Variants in PMFBP1 observed in about 807,000 individuals in gnomAD.
PMFBP1 encodes polyamine modulated factor 1 binding protein 1.
PMFBP1 carries 131 observed loss-of-function variants against 137.8 expected under a neutral mutation model. That is an observed-to-expected ratio of 0.95 (90% CI 0.82 to 1.10). PMFBP1 has a LOEUF of 1.10. PMFBP1 is among the 50% of genes least tolerant of loss of function. The probability of loss-of-function intolerance (pLI) is 0.00; values close to 1 mark genes in which losing one functional copy is unlikely to be tolerated. For synonymous variants in PMFBP1, 490 were observed against 450.4 expected, an observed-to-expected ratio of 1.09 and a Z score of -1.11; for missense variants, 1,199 against 1,175.4, an observed-to-expected ratio of 1.02 and a Z score of -0.29.
intron 3 of PMFBP1, among the ~76,000 whole-genome samples, chr16:72,161,243 G>A (rs751905238): frequency 5.3e-5 from 8 of 151,338 alleles, no homozygotes; most frequent in African/African-American, 9.7e-5. Context: ...GATTATAGGC[G>A]CCTGCTACCA....
intron 4 of PMFBP1, among the ~76,000 whole-genome samples, chr16:72,152,679 TAC>T (rs1325408524): frequency 6.6e-6 from 1 of 151,964 alleles, no homozygotes; most frequent in Non-Finnish European, 1.5e-5. Flanking sequence ...ACCCCGTCTC[TAC>T]TAAAAATACA....
At chr16:72,205,144 G>C in the PMFBP1 span, among the ~76,000 whole-genome samples, 1 of 152,202 alleles carries the variant, frequency 6.6e-6, no homozygotes, top group Admixed American at 6.5e-5. Context: ...TACAGTGCAG[G>C]AGAAAGACAG....
chr16:72,204,188 G>C, the PMFBP1 span, among the ~76,000 whole-genome samples: 2 of 144,570 alleles, frequency 1.4e-5, no homozygotes, highest in African/African-American at 2.7e-5. Context: ...TTACTCATGC[G>C]CATTTTTTTT....
At chr16:72,130,439 T>C (rs1264506118) in intron 11 of PMFBP1, 82 bp from the exon 12 acceptor site, 2 of 1,606,946 alleles carry the variant, frequency 1.2e-6, no homozygotes, top group Non-Finnish European at 1.7e-6. Flanking sequence ...TGGGAAATCC[T>C]TGCTCTCCCA....
At chr16:72,195,397 T>C in the PMFBP1 span, among the ~76,000 whole-genome samples, 1 of 152,086 alleles carries the variant, frequency 6.6e-6, no homozygotes, top group Admixed American at 6.6e-5. Flanking sequence ...CCCTCTCCCT[T>C]TATCTTTCAC....
At chr16:72,121,537 T>C (rs961051791) in intron 19 of PMFBP1, among the ~76,000 whole-genome samples, 3 of 152,206 alleles carry the variant, frequency 2.0e-5, no homozygotes, top group Non-Finnish European at 4.4e-5. Flanking sequence ...TTCCAGGTGT[T>C]TGGAGATGCC....
At chr16:72,248,076 C>A in the PMFBP1 span, among the ~76,000 whole-genome samples, 1 of 152,304 alleles carries the variant, frequency 6.6e-6, no homozygotes, top group South Asian at 2.1e-4. Context: ...GTCAGAACTT[C>A]AAGGCCAAGT....
intron 3 of PMFBP1, among the ~76,000 whole-genome samples, chr16:72,157,865 T>C (rs1431103540): frequency 1.3e-5 from 2 of 152,182 alleles, no homozygotes; most frequent in South Asian, 4.1e-4. Context: ...GGGTTCTAGA[T>C]GTATCTTGAA....
Position 72,154,434 on chromosome 16 carries a change from G to A in PMFBP1, c.191C>T (p.Ala64Val), listed in dbSNP as rs1316059995. 3.7e-6 allele frequency: 6 copies of A among 1,614,046 alleles called. No individual in the cohort carries two copies. Among genetic ancestry groups the A allele is most frequent in the South Asian group, 1.1e-5 (1 of 91,082 alleles). ...AAATTCCACCTCTGACTCCTCGAAT[G>A]CTAATGCCTGTGCTTGCTTCTTGTC... ...SHDKKQAQAL[A>V]FEESEVEFGS... The change falls in exon 4 of 21, where the codon GCA (alanine) becomes GTA (valine). Residue 64 changes from alanine (A) to valine (V), a missense_variant. Ala to Val is a moderately conservative substitution (Grantham distance 64). Coordinates refer to ENST00000237353, the MANE Select transcript of PMFBP1 (RefSeq NM_031293.3).
chr16:72,149,853 A>C (rs2042874160), intron 5 of PMFBP1, among the ~76,000 whole-genome samples: 1 of 152,186 alleles, frequency 6.6e-6, no homozygotes, highest in Non-Finnish European at 1.5e-5. Flanking sequence ...CTTAGGTAAA[A>C]ATAACCTCCT....
chr16:72,124,105 C>A (rs1042727079), intron 17 of PMFBP1, among the ~76,000 whole-genome samples: 2 of 152,138 alleles, frequency 1.3e-5, no homozygotes, highest in Non-Finnish European at 2.9e-5. Flanking sequence ...ACCTCCCCCC[C>A]GGCTCAAGCT....
At chr16:72,130,080 C>T in intron 12 of PMFBP1, 133 bp downstream of exon 12, 2 of 1,213,278 alleles carry the variant, frequency 1.6e-6, no homozygotes, top group Non-Finnish European at 2.3e-6. Flanking sequence ...GTCTGGAACC[C>T]CTGGGCTCAA....
the PMFBP1 span, among the ~76,000 whole-genome samples, chr16:72,239,901 G>GAAAAAAAAAAAAAAAAAAAAAAAAAAA: frequency 1.1e-5 from 1 of 87,788 alleles, no homozygotes; most frequent in Non-Finnish European, 2.2e-5. Context: ...AAAAAAAAAA[G>GAAAAAAAAAAAAAAAAAAAAAAAAAAA]AAAAAAAAAA....
chr16:72,208,732 G>T, the PMFBP1 span, among the ~76,000 whole-genome samples: 1 of 152,224 alleles, frequency 6.6e-6, no homozygotes, highest in Non-Finnish European at 1.5e-5. Context: ...GATGTTTCCT[G>T]TCAGCGTCTT....
intron 5 of PMFBP1, among the ~76,000 whole-genome samples, chr16:72,144,429 G>T (rs2042773319): frequency 4.6e-5 from 7 of 152,116 alleles, no homozygotes; most frequent in Admixed American, 4.6e-4. Context: ...ACACGAACTG[G>T]CAGAAAGATA....
At chr16:72,153,287 G>C (rs1038667326) in intron 4 of PMFBP1, among the ~76,000 whole-genome samples, 2 of 152,122 alleles carry the variant, frequency 1.3e-5, no homozygotes, top group Admixed American at 1.3e-4. Flanking sequence ...TTCACTAGGT[G>C]ACAATATTCC....
At chr16:72,199,465 C>T in the PMFBP1 span, among the ~76,000 whole-genome samples, 1 of 152,036 alleles carries the variant, frequency 6.6e-6, no homozygotes, top group African/African-American at 2.4e-5. Flanking sequence ...ACCAGCCTGG[C>T]TAACATGGTG....
chr16:72,195,174 C>A, the PMFBP1 span, among the ~76,000 whole-genome samples: 3 of 152,192 alleles, frequency 2.0e-5, no homozygotes, highest in African/African-American at 7.2e-5. Flanking sequence ...CTGGGTGCAG[C>A]GATGGCACCA....
At chr16:72,206,768 T>C in the PMFBP1 span, among the ~76,000 whole-genome samples, 1 of 152,182 alleles carries the variant, frequency 6.6e-6, no homozygotes, top group East Asian at 1.9e-4. Context: ...TTACCGTAGC[T>C]AAAAGTAACA....
Sources: gnomAD v4.1 joint callset for allele counts (sites outside exome capture counted in the v4.1 genomes callset) on GRCh38, gnomAD v4.1.1 for gene constraint, MANE v1.5 for transcripts, NCBI Gene and HGNC (gene_info 2026-07-23, HGNC 2026-07-21) for gene names.